TSPAN9: variants seen among roughly 807,000 people sequenced by gnomAD.
TSPAN9 encodes tetraspanin 9, also known as tetraspanin-9.
A neutral mutation model predicts 31.0 loss-of-function variants in TSPAN9; 16 were observed. That is an observed-to-expected ratio of 0.52 (90% CI 0.35 to 0.78). TSPAN9 has a LOEUF of 0.78. TSPAN9 is among the 30% of genes least tolerant of loss of function. The pLI is 0.01. For missense variants in TSPAN9, 272 were observed against 312.5 expected (o/e 0.87, Z 0.98); for synonymous variants, 145 against 121.6 (o/e 1.19, Z -1.27).
chr12:3,278,861 C>A, intron 4 of TSPAN9, 131 bp from the exon 5 acceptor site: 1 of 1,045,576 alleles, frequency 9.6e-7, no homozygotes, highest in Non-Finnish European at 1.4e-6. Flanking sequence ...TCTGGGTTTC[C>A]TCAGGAGGAG....
At chr12:3,169,513 G>T (rs1446237321) in intron 2 of TSPAN9, among the ~76,000 whole-genome samples, 1 of 152,210 alleles carries the variant, frequency 6.6e-6, no homozygotes, top group African/African-American at 2.4e-5. Context: ...CTACCGCCCA[G>T]AGTGGCCATA....
chr12:3,207,086 T>C (rs571086500), intron 3 of TSPAN9, among the ~76,000 whole-genome samples: 1 of 152,122 alleles, frequency 6.6e-6, no homozygotes, highest in South Asian at 2.1e-4. Flanking sequence ...CAGGAATGGC[T>C]TCTGGGGGTG....
intron 2 of TSPAN9, among the ~76,000 whole-genome samples, chr12:3,123,998 C>T (rs983818764): frequency 6.6e-6 from 1 of 152,142 alleles, no homozygotes; most frequent in East Asian, 1.9e-4. Context: ...GCAGGCAGGC[C>T]ACCAGCTGCC....
chr12:3,260,582 C>G (rs374739057), intron 3 of TSPAN9, among the ~76,000 whole-genome samples: 9 of 152,192 alleles, frequency 5.9e-5, no homozygotes, highest in South Asian at 2.1e-4. Context: ...CTACTCTACG[C>G]GAGGCACCGT....
chr12:3,243,888 A>AC (rs763459431), intron 3 of TSPAN9, among the ~76,000 whole-genome samples: 1 of 151,590 alleles, frequency 6.6e-6, no homozygotes, highest in Non-Finnish European at 1.5e-5. Context: ...TTATTGTACT[A>AC]CCCCCTGCAG....
Position 3,270,798 on chromosome 12 carries a change from C to T in TSPAN9, c.64-7623C>T, listed in dbSNP as rs1220190990. Among the ~76,000 whole-genome samples, 6 of 152,240 alleles carry T rather than the reference C, an allele frequency of 3.9e-5. No homozygotes were observed. In the East Asian group the frequency reaches 1.2e-3, roughly 29 times the overall value. ...TCGTGGACTCTTCCACCCCAATATA[C>T]ACTTCGGGATTTTAGATTGCAAGAG... On this transcript the variant is annotated intron_variant, in intron 3 of 8. Coordinates refer to ENST00000011898, the MANE Select transcript of TSPAN9 (RefSeq NM_006675.5).
At chr12:3,183,961 A>T (rs779088100) in intron 2 of TSPAN9, among the ~76,000 whole-genome samples, 2 of 152,148 alleles carry the variant, frequency 1.3e-5, no homozygotes, top group African/African-American at 2.4e-5. Flanking sequence ...CTATAATTGC[A>T]GGCTGTTGTC....
At chr12:3,277,620 C>G (rs549211842) in intron 3 of TSPAN9, among the ~76,000 whole-genome samples, 3 of 152,210 alleles carry the variant, frequency 2.0e-5, no homozygotes, top group Non-Finnish European at 4.4e-5. Context: ...GGAGTGCCAG[C>G]TATATCGAGC....
Position 3,283,307 on chromosome 12 carries a change from G to A in TSPAN9, c.*191G>A, listed in dbSNP as rs911224471. ...GAGTGCCAGGGAGGAGGAGGCACACGGAGACCTGGGGCTCGGGGCCCCTGG... is the reference window on the plus strand; with the variant it reads ...GAGTGCCAGGGAGGAGGAGGCACACAGAGACCTGGGGCTCGGGGCCCCTGG... On this transcript the variant is annotated 3_prime_UTR_variant, in exon 9 of 9. Transcript: ENST00000011898. The A allele has an allele frequency of 1.5e-5, 9 of 585,204 alleles. No individual in the cohort carries two copies. The highest frequency in any genetic ancestry group is 7.7e-5 in the South Asian group (3 of 39,108). The allele number at this position is 585,204 out of a possible 1,614,324, so 36.3% of individuals were successfully genotyped here.
chr12:3,193,831 C>T (rs1182062592), intron 2 of TSPAN9, among the ~76,000 whole-genome samples: 1 of 152,234 alleles, frequency 6.6e-6, no homozygotes, highest in Non-Finnish European at 1.5e-5. Context: ...TTCCTCCATA[C>T]ATTTGTTTAT....
intron 3 of TSPAN9, among the ~76,000 whole-genome samples, chr12:3,215,535 T>C (rs1323832143): frequency 6.6e-6 from 1 of 152,220 alleles, no homozygotes; most frequent in Non-Finnish European, 1.5e-5. Context: ...TCTGTATCTA[T>C]TTCCATCCCA....
In TSPAN9 at chr12:3,211,848, G is replaced by A. The variant is rs1796086464; in HGVS notation, c.63+10592G>A. On this transcript the variant is annotated intron_variant, in intron 3 of 8. Transcript: ENST00000011898. ...AAGTAGGAATTGGGGCTCTGCACCA[G>A]GCGTTTCTTCTTGTGTTTCCTCTTC... The A allele has an allele frequency of 1.9e-6, 3 of 1,595,316 alleles. No homozygotes were observed. The Admixed American group carries it at 5.0e-5, about 27-fold the overall frequency.
intron 8 of TSPAN9, chr12:3,282,046 C>T (rs1054899339): frequency 2.9e-6 from 2 of 700,204 alleles, no homozygotes; most frequent in South Asian, 3.1e-5. Context: ...GTGGCCAGGC[C>T]CAGGCTGGGA....
intron 2 of TSPAN9, among the ~76,000 whole-genome samples, chr12:3,191,504 T>C (rs1399735989): frequency 1.3e-5 from 2 of 152,176 alleles, no homozygotes; most frequent in African/African-American, 4.8e-5. Context: ...GCTTGTTTTG[T>C]AGTTGAGGAA....
At chr12:3,130,803 T>C (rs979761551) in intron 2 of TSPAN9, among the ~76,000 whole-genome samples, 2 of 152,184 alleles carry the variant, frequency 1.3e-5, no homozygotes, top group African/African-American at 4.8e-5. Context: ...CCGGCAAACT[T>C]TATTTTTGCT....
At position 3,280,225 on chromosome 12, in the gene TSPAN9, GC is replaced by G. The variant is rs1862867849; in HGVS notation, c.331-152del. Among the ~76,000 whole-genome samples, 1 of 152,094 alleles carries G rather than the reference GC, an allele frequency of 6.6e-6. No homozygotes were observed. The highest frequency in any genetic ancestry group is 1.9e-4 in the East Asian group (1 of 5,186). On this transcript the variant is annotated intron_variant, in intron 5 of 8. Transcript: ENST00000011898. The surrounding 1 kb of genome is among the most constrained non-coding windows in gnomAD (Gnocchi z 4.5). Reference sequence around the variant, plus strand: ...CCGCACCTCTGTTGGGCCAGCAGAGGCCCCCACCCCAGTGGGCAGGGCCTTC... The same window carrying G: ...CCGCACCTCTGTTGGGCCAGCAGAGGCCCCACCCCAGTGGGCAGGGCCTTC...
At chr12:3,190,020 C>T (rs1292556104) in intron 2 of TSPAN9, among the ~76,000 whole-genome samples, 1 of 152,224 alleles carries the variant, frequency 6.6e-6, no homozygotes, top group African/African-American at 2.4e-5. Context: ...GGCTGCAGAG[C>T]AGTGTGGAAT....
At chr12:3,220,754 G>T (rs2098384055) in intron 3 of TSPAN9, among the ~76,000 whole-genome samples, 1 of 152,028 alleles carries the variant, frequency 6.6e-6, no homozygotes, top group Non-Finnish European at 1.5e-5. Context: ...TGCTGCCGGG[G>T]AAGAGTGCAC....
intron 3 of TSPAN9, among the ~76,000 whole-genome samples, chr12:3,221,226 A>G (rs1425977007): frequency 3.9e-5 from 6 of 152,096 alleles, no homozygotes; most frequent in Non-Finnish European, 5.9e-5. Flanking sequence ...ATTCATTCAA[A>G]TATCTGCTTA....
Sources: allele counts gnomAD v4.1 joint callset (sites outside exome capture counted in the v4.1 genomes callset), GRCh38; gene constraint gnomAD v4.1.1; non-coding constraint Gnocchi (gnomAD v3.1); transcripts MANE v1.5; gene names NCBI Gene and HGNC (gene_info 2026-07-23, HGNC 2026-07-21).